HPS4: variants seen among roughly 807,000 people sequenced by gnomAD.
HPS4 encodes the protein BLOC-3 complex member HPS4.
In HPS4, 44 loss-of-function variants were observed where a neutral mutation model predicts 70.3. The ratio of observed to expected loss-of-function variants is 0.63; its 90% confidence interval spans 0.49 to 0.80. HPS4 has a LOEUF of 0.80. Among genes scored for constraint, HPS4 ranks in the 30% least tolerant of loss-of-function variants. The pLI is 0.00. For missense variants in HPS4, 873 were observed against 884.4 expected, an observed-to-expected ratio of 0.99 and a Z score of 0.16; for synonymous variants, 377 against 355.9, an observed-to-expected ratio of 1.06 and a Z score of -0.67.
downstream of HPS4, among the ~76,000 whole-genome samples, chr22:26,449,323 ATTTTTTTTTTT>A (rs35895945): frequency 6.0e-5 from 5 of 83,316 alleles, no homozygotes; most frequent in African/African-American, 1.0e-4. Flanking sequence ...ACTCCCCTGC[ATTTTTTTTTTT>A]TTTTTTTTTT....
At chr22:26,476,743 T>G (rs996556743) in intron 4 of HPS4, 1 of 480,682 alleles carries the variant, frequency 2.1e-6, no homozygotes, top group African/African-American at 2.0e-5. Context: ...TTTCCACAAG[T>G]TGGCCTAAGT....
At chr22:26,476,425 T>G (rs973029293) in intron 4 of HPS4, 1 of 153,464 alleles carries the variant, frequency 6.5e-6, no homozygotes, top group African/African-American at 2.4e-5. Flanking sequence ...CATGGCTCAC[T>G]GCAGCCTGAA....
chr22:26,475,197 C>A (rs1360571967), intron 4 of HPS4, among the ~76,000 whole-genome samples: 1 of 152,190 alleles, frequency 6.6e-6, no homozygotes, highest in South Asian at 2.1e-4. Flanking sequence ...AAAAGAAGAA[C>A]AGATTGTGAT....
intron 3 of HPS4, among the ~76,000 whole-genome samples, chr22:26,478,771 C>T (rs1415282573): frequency 6.6e-6 from 1 of 151,748 alleles, no homozygotes; most frequent in Non-Finnish European, 1.5e-5. Context: ...TGCAACTCTG[C>T]CTCCTGGATT....
rs1439814105 is a variant in HPS4 at position 26,465,473 on chromosome 22, G to A, written c.785C>T (p.Pro262Leu). The change falls in exon 10 of 14, where the codon CCG (proline) becomes CTG (leucine). Residue 262 changes from proline to leucine, a missense_variant. Transcript: ENST00000398145. Reference sequence around the variant, plus strand: ...CCATTACCTTGTCATCTGTTCCACCGGGAACTCGTGGAGACTAATGGCTTC... The same window carrying A: ...CCATTACCTTGTCATCTGTTCCACCAGGAACTCGTGGAGACTAATGGCTTC... ...KEEAISLHEF[P>L]VEQMTRSLAS... is the part of the protein sequence containing the mutation. The A allele has an allele frequency of 5.0e-6, 8 of 1,612,118 alleles. No individual in the cohort carries two copies. The highest frequency in any genetic ancestry group is 2.7e-5 in the African/African-American group (2 of 74,878).
At chr22:26,456,632 C>G (rs368002905) in intron 13 of HPS4, among the ~76,000 whole-genome samples, 18 of 152,308 alleles carry the variant, frequency 1.2e-4, no homozygotes, top group East Asian at 5.8e-4. Flanking sequence ...GCACTCCAGC[C>G]TGGCGAGAGT....
chr22:26,471,249 T>C (rs2089755661), intron 6 of HPS4: 5 of 415,456 alleles, frequency 1.2e-5, no homozygotes, highest in South Asian at 1.8e-5. Flanking sequence ...ACAATCCCCA[T>C]GGTGATACAG....
chr22:26,481,649 G>A, intron 2 of HPS4, 73 bp downstream of exon 2: 2 of 1,368,656 alleles, frequency 1.5e-6, no homozygotes, highest in Non-Finnish European at 2.1e-6. Flanking sequence ...TCTGGCTGGG[G>A]ATTTTCAATT....
chr22:26,480,855 C>T (rs1428011389), intron 2 of HPS4, among the ~76,000 whole-genome samples: 2 of 152,066 alleles, frequency 1.3e-5, no homozygotes, highest in Admixed American at 6.6e-5. Flanking sequence ...GGGATTGAGG[C>T]TACAGTGACC....
upstream of HPS4, chr22:26,483,816 C>G: frequency 8.5e-7 from 1 of 1,181,328 alleles, no homozygotes; most frequent in Non-Finnish European, 1.1e-6. Context: ...GCCTACCTCC[C>G]CCTCCAGCTC....
At chr22:26,466,630 C>T in intron 8 of HPS4, 1 of 373,530 alleles carries the variant, frequency 2.7e-6, no homozygotes. Context: ...ACATCTGCCA[C>T]AGCCCTGATG....
rs1341914848 is a variant in HPS4 at position 26,452,030 on chromosome 22, ACACACACACACACT to A, written c.*1189_*1202del. 1.5e-4 allele frequency: 44 copies of A among 301,384 alleles called. No individual in the cohort carries two copies. The highest frequency in any genetic ancestry group is 8.6e-4 in the African/African-American group (38 of 44,410). The allele number at this position is 301,384 out of a possible 1,614,324, so 18.7% of individuals were successfully genotyped here. ...CACACACACACACACACACACACAC[ACACACACACACACT>A]GTCTTAACCCTTACCTTTGTCACAA... On this transcript the variant is annotated 3_prime_UTR_variant, in exon 14 of 14. Coordinates refer to ENST00000398145, the MANE Select transcript of HPS4 (RefSeq NM_022081.6).
chr22:26,478,406 A>T (rs1359301411), intron 3 of HPS4, among the ~76,000 whole-genome samples: 1 of 151,870 alleles, frequency 6.6e-6, no homozygotes, highest in Non-Finnish European at 1.5e-5. Flanking sequence ...CCCCGTCCCT[A>T]CTAAAAATAC....
At chr22:26,468,760 C>G in intron 7 of HPS4, 137 bp from the exon 8 acceptor site, 1 of 756,490 alleles carries the variant, frequency 1.3e-6, no homozygotes, top group Non-Finnish European at 2.3e-6. Flanking sequence ...TGGTAAAACC[C>G]TTACAGAGGG....
At chr22:26,445,112 G>C (rs1199932083) in intron 3 of HPS4, 1 of 152,646 alleles carries the variant, frequency 6.6e-6, no homozygotes, top group Non-Finnish European at 1.5e-5. Context: ...GAGCGGGGAG[G>C]ATTGCTTGAG....
Position 26,452,752 on chromosome 22 carries a change from C to A in HPS4, c.*481G>T. On this transcript the variant is annotated 3_prime_UTR_variant, in exon 14 of 14. Transcript: ENST00000398145. ...AGAGCGCACTGGAGAAACCTACCTGCGGCGTGGGAGTGGAGTCGGCCTGCT... is the reference window on the plus strand; with the variant it reads ...AGAGCGCACTGGAGAAACCTACCTGAGGCGTGGGAGTGGAGTCGGCCTGCT... 1 of 244,854 alleles carries A rather than the reference C, an allele frequency of 4.1e-6. No homozygotes were observed. Among genetic ancestry groups the A allele is most frequent in the South Asian group, 5.0e-5 (1 of 20,136 alleles). The allele number at this position is 244,854 out of a possible 1,614,324, so 15.2% of individuals were successfully genotyped here.
chr22:26,465,763 A>C, intron 9 of HPS4: 1 of 596,750 alleles, frequency 1.7e-6, no homozygotes, highest in South Asian at 2.0e-5. Flanking sequence ...CATGACTCCC[A>C]GCTTTGGAGA....
At chr22:26,480,353 T>C (rs536275510) in intron 2 of HPS4, among the ~76,000 whole-genome samples, 16 of 152,124 alleles carry the variant, frequency 1.1e-4, no homozygotes, top group Non-Finnish European at 2.2e-4. Flanking sequence ...TTTTAAATTT[T>C]TTATAGAAAC....
intron 9 of HPS4, chr22:26,466,018 G>C: frequency 6.6e-7 from 1 of 1,504,812 alleles, no homozygotes. Flanking sequence ...TGAAAGCAGG[G>C]ATTTGACAGC....
Sources: allele counts gnomAD v4.1 joint callset (sites outside exome capture counted in the v4.1 genomes callset), GRCh38; gene constraint gnomAD v4.1.1; transcripts MANE v1.5; gene names NCBI Gene and HGNC (gene_info 2026-07-23, HGNC 2026-07-21).